DCHS2: variants seen among roughly 807,000 people sequenced by gnomAD.
DCHS2 encodes the protein dachsous cadherin-related 2, also known as protocadherin-23.
In DCHS2, 142 loss-of-function variants were observed where a neutral mutation model predicts 182.4. The observed-to-expected ratio is 0.78, with a 90% confidence interval of 0.68 to 0.89. The LOEUF (loss-of-function observed/expected upper bound fraction) is 0.89, where lower values mean the gene tolerates loss of function less well. DCHS2 is among the 40% of genes least tolerant of loss of function. The pLI, the probability that DCHS2 is intolerant of heterozygous loss-of-function variation, is 0.00. For missense variants in DCHS2, 4,319 were observed against 4,198.6 expected, an observed-to-expected ratio of 1.03 and a Z score of -0.79; for synonymous variants, 1,740 against 1,663.3, an observed-to-expected ratio of 1.05 and a Z score of -1.12.
At chr4:154,442,675 C>A (rs1176112639) in intron 1 of DCHS2, among the ~76,000 whole-genome samples, 3 of 151,908 alleles carry the variant, frequency 2.0e-5, no homozygotes, top group African/African-American at 4.8e-5. Context: ...TGCTTCCAAG[C>A]TATTTCTCTT....
intron 1 of DCHS2, among the ~76,000 whole-genome samples, chr4:154,402,682 C>G (rs2110875027): frequency 6.6e-6 from 1 of 152,244 alleles, no homozygotes; most frequent in South Asian, 2.1e-4. Context: ...AGGGTTTGGA[C>G]TTGGACTTCT....
At chr4:154,441,626 T>A (rs1187331899) in intron 1 of DCHS2, among the ~76,000 whole-genome samples, 1 of 149,644 alleles carries the variant, frequency 6.7e-6, no homozygotes. Context: ...TTCCCTGAAT[T>A]AAAAAAAAAA....
At chr4:154,363,807 C>T (rs888953719) in intron 3 of DCHS2, among the ~76,000 whole-genome samples, 14 of 152,186 alleles carry the variant, frequency 9.2e-5, no homozygotes, top group South Asian at 6.2e-4. Flanking sequence ...CCACCTTGTA[C>T]GCCATAATTA....
chr4:154,322,385 A>C lies in DCHS2; in HGVS notation c.4122T>G (p.Ile1374Met). The C allele has an allele frequency of 1.9e-6, 3 of 1,613,824 alleles. No individual in the cohort carries two copies. The highest frequency in any genetic ancestry group is 1.7e-4 in the Middle Eastern group (1 of 6,056). ...DYRPSYRMSV[I>M]ATDQGVPPLQ... ...GAGGAGGCACTCCCTGGTCAGTGGC[A>C]ATGACACTCATTCTGTAGGAAGGTC... The change falls in exon 8 of 20, where the codon ATT becomes ATG. Residue 1374 changes from isoleucine to methionine, a missense_variant. Ile to Met is a conservative substitution (Grantham distance 10). Transcript: ENST00000357232.
At chr4:154,344,653 CAGAA>C (rs1729274006) in intron 3 of DCHS2, among the ~76,000 whole-genome samples, 1 of 152,130 alleles carries the variant, frequency 6.6e-6, no homozygotes, top group Non-Finnish European at 1.5e-5. Flanking sequence ...GTTGCAGAAA[CAGAA>C]GGAAAAAGGC....
At chr4:154,393,380 G>GA (rs1036677308) in intron 1 of DCHS2, among the ~76,000 whole-genome samples, 60 of 151,740 alleles carry the variant, frequency 4.0e-4, no homozygotes, top group Non-Finnish European at 7.8e-4. Flanking sequence ...TTGGTTGGGG[G>GA]AAAAAAAATG....
At chr4:154,353,588 C>A (rs1729719292) in intron 3 of DCHS2, among the ~76,000 whole-genome samples, 1 of 152,158 alleles carries the variant, frequency 6.6e-6, no homozygotes, top group African/African-American at 2.4e-5. Flanking sequence ...CATGATGACC[C>A]CTTGCTCTTT....
intron 12 of DCHS2, among the ~76,000 whole-genome samples, chr4:154,300,418 A>T (rs1348537502): frequency 6.6e-6 from 1 of 151,496 alleles, no homozygotes; most frequent in South Asian, 2.1e-4. Flanking sequence ...TGGTTCCTGT[A>T]ATCCCAGAAC....
At chr4:154,299,292 A>G (rs1397030174) in intron 12 of DCHS2, among the ~76,000 whole-genome samples, 1 of 152,180 alleles carries the variant, frequency 6.6e-6, no homozygotes, top group Non-Finnish European at 1.5e-5. Flanking sequence ...ACACTTGACT[A>G]TTTCTTCCAA....
intron 1 of DCHS2, among the ~76,000 whole-genome samples, chr4:154,451,918 G>A (rs1471053623): frequency 6.6e-6 from 1 of 152,200 alleles, no homozygotes; most frequent in African/African-American, 2.4e-5. Flanking sequence ...GAAGATAATT[G>A]TGTCCCACGT....
intron 1 of DCHS2, among the ~76,000 whole-genome samples, chr4:154,478,315 T>C (rs1250135416): frequency 4.7e-5 from 7 of 148,174 alleles, no homozygotes; most frequent in Middle Eastern, 3.4e-3. Flanking sequence ...CTGGTATGAC[T>C]GAGTATACGC....
intron 1 of DCHS2, among the ~76,000 whole-genome samples, chr4:154,427,081 T>C (rs1296345596): frequency 1.3e-5 from 2 of 152,200 alleles, no homozygotes; most frequent in Non-Finnish European, 2.9e-5. Flanking sequence ...CTAAACACTG[T>C]GATTTGATCA....
intron 3 of DCHS2, among the ~76,000 whole-genome samples, chr4:154,338,449 A>G (rs1212662318): frequency 6.6e-6 from 1 of 152,224 alleles, no homozygotes; most frequent in Non-Finnish European, 1.5e-5. Flanking sequence ...ATACAAAATT[A>G]AAACCACTAC....
intron 1 of DCHS2, among the ~76,000 whole-genome samples, chr4:154,465,739 G>A (rs1305638824): frequency 1.3e-5 from 2 of 152,014 alleles, no homozygotes; most frequent in African/African-American, 4.8e-5. Context: ...ACTAAGTCCA[G>A]TTCACCCTCA....
chr4:154,289,081 C>A (rs1184711767), intron 13 of DCHS2, among the ~76,000 whole-genome samples: 9 of 151,642 alleles, frequency 5.9e-5, no homozygotes, highest in Non-Finnish European at 7.4e-5. Context: ...AAGATCAGAA[C>A]AACAAAGATC....
intron 1 of DCHS2, among the ~76,000 whole-genome samples, chr4:154,475,548 C>T (rs1055566497): frequency 6.6e-6 from 1 of 152,078 alleles, no homozygotes; most frequent in Non-Finnish European, 1.5e-5. Context: ...CACGTCCAGT[C>T]CCATTATTTG....
At position 154,391,337 on chromosome 4, in the gene DCHS2, A is replaced by G. The variant is rs765310234; in HGVS notation, c.2053-13893T>C. 1.4e-5 allele frequency: 22 copies of G among 1,553,126 alleles called. No individual in the cohort carries two copies. In the East Asian group the frequency reaches 2.6e-4, roughly 19 times the overall value. On this transcript the variant is annotated intron_variant, in intron 1 of 19. Transcript: ENST00000357232. Reference sequence around the variant, plus strand: ...CCTATATGAGGGTAGCTTCAACTTCATGTCTCTGGCATGAACCCTTTCCTT... The same window carrying G: ...CCTATATGAGGGTAGCTTCAACTTCGTGTCTCTGGCATGAACCCTTTCCTT...
chr4:154,302,979 ACATAT>A (rs1185044796), intron 12 of DCHS2, among the ~76,000 whole-genome samples: 5 of 105,406 alleles, frequency 4.7e-5, no homozygotes, highest in African/African-American at 8.8e-5. Context: ...CCACACACAC[ACATAT>A]TTTTTTTTTT....
chr4:154,242,718 T>A lies in DCHS2; in HGVS notation c.6996A>T (p.Val2332=). Residue 2332 remains valine (V), a synonymous_variant, in exon 17 of 20, where the codon GTA becomes GTT. Coordinates refer to ENST00000357232, the MANE Select transcript of DCHS2 (RefSeq NM_001358235.2). ...TTATATCAGTCACCTGTACCTTGAT[T>A]ACAGTCGTATTAGAAAGCCTGGGCA... ...KGMPRLSNTT[V]IKVQVTDIND... 6.2e-7 allele frequency: 1 copy of A among 1,613,050 alleles called. No individual in the cohort carries two copies. The highest frequency in any genetic ancestry group is 8.5e-7 in the Non-Finnish European group (1 of 1,179,380).
Sources: gnomAD v4.1 joint callset for allele counts (sites outside exome capture counted in the v4.1 genomes callset) on GRCh38, gnomAD v4.1.1 for gene constraint, MANE v1.5 for transcripts, NCBI Gene and HGNC (gene_info 2026-07-23, HGNC 2026-07-21) for gene names.